The following ZNF484 variants were observed in gnomAD, a reference collection of about 807,000 sequenced individuals.
ZNF484 encodes the protein zinc finger protein 484.
In ZNF484, 11 loss-of-function variants were observed where a neutral mutation model predicts 12.9. The observed-to-expected ratio is 0.85, with a 90% CI of 0.54 to 1.41. The LOEUF is 1.41. Among genes scored for constraint, ZNF484 ranks in the 40% most tolerant of loss-of-function variants. The pLI, the probability that ZNF484 is intolerant of heterozygous loss-of-function variation, is 0.00. For synonymous variants in ZNF484, 289 were observed against 334.1 expected (o/e 0.86, Z 1.47); for missense variants, 807 against 1,007.7 (o/e 0.80, Z 2.70).
In ZNF484 at chr9:92,845,113, G is replaced by A. The variant is rs945745578; in HGVS notation, c.*1115C>T. The A allele has an allele frequency of 2.0e-5, 3 of 152,092 alleles. No individual in the cohort carries two copies. The East Asian group carries it at 5.8e-4, about 29-fold the overall frequency. The allele number at this position is 152,092 out of a possible 1,614,324, so 9.4% of individuals were successfully genotyped here. A position where few individuals can be genotyped will look rare whatever the true frequency, so the allele number is the denominator to read the frequency against. On this transcript the variant is annotated 3_prime_UTR_variant, in exon 5 of 5. Transcript: ENST00000375495. This position sits in a 1 kb window ranked among gnomAD's most constrained non-coding sequence, Gnocchi z 4.0. ...GGCAAAAAATTACTAGAGATAAAAA[G>A]AAACATCTAATAATGATAATGTGTC...
At position 92,846,053 on chromosome 9, in the gene ZNF484, C is replaced by G. The variant is rs1273197551; in HGVS notation, c.*175G>C. 1.5e-6 allele frequency: 1 copy of G among 658,686 alleles called. No homozygotes were observed. 40.8% of individuals were successfully genotyped at this position (658,686 alleles called of 1,614,324 possible). On this transcript the variant is annotated 3_prime_UTR_variant, in exon 5 of 5. Transcript: ENST00000375495. ...AAAACTGTTTGCCCAAAAAGTGAAA[C>G]AAGAAAGACTGCCAATCATCTCCTT...
chr9:92,862,168 G>T (rs895138335), intron 2 of ZNF484: 1 of 918,516 alleles, frequency 1.1e-6, no homozygotes, highest in Non-Finnish European at 1.3e-6. Context: ...AAAGAAGTCT[G>T]AAAAAAAAAA....
chr9:92,871,510 A>G (rs188632979), intron 2 of ZNF484, among the ~76,000 whole-genome samples: 12 of 152,344 alleles, frequency 7.9e-5, no homozygotes, highest in African/African-American at 2.9e-4. Flanking sequence ...GGGGCTGAAC[A>G]AGTATTTGAA....
intron 2 of ZNF484, among the ~76,000 whole-genome samples, chr9:92,873,533 A>G (rs1054802649): frequency 2.0e-5 from 3 of 152,318 alleles, no homozygotes; most frequent in Admixed American, 6.5e-5. Flanking sequence ...TAAAACTTCC[A>G]AAAAAGAAAT....
At chr9:92,869,540 T>C (rs1473416813) in intron 2 of ZNF484, among the ~76,000 whole-genome samples, 5 of 152,166 alleles carry the variant, frequency 3.3e-5, no homozygotes, top group Non-Finnish European at 7.3e-5. Context: ...CTGGGCAACA[T>C]GGTGAAACCC....
At chr9:92,852,041 A>C (rs573776563) in intron 4 of ZNF484, among the ~76,000 whole-genome samples, 1 of 152,296 alleles carries the variant, frequency 6.6e-6, no homozygotes, top group South Asian at 2.1e-4. Context: ...CTAAAAGAAA[A>C]ATTTTAAAAT....
At chr9:92,874,008 A>G (rs918410269) in intron 2 of ZNF484, among the ~76,000 whole-genome samples, 2 of 152,232 alleles carry the variant, frequency 1.3e-5, no homozygotes, top group Admixed American at 6.5e-5. Context: ...AAATCAATCA[A>G]TGTAATCTAC....
intron 2 of ZNF484, among the ~76,000 whole-genome samples, chr9:92,867,549 A>AG: frequency 6.6e-6 from 1 of 152,220 alleles, no homozygotes; most frequent in Non-Finnish European, 1.5e-5. Context: ...TGATAGATGC[A>AG]GCAAACCACC....
At position 92,874,459 on chromosome 9, in the gene ZNF484, C is replaced by T. The variant is rs577971673; in HGVS notation, c.15+556G>A. Among the ~76,000 whole-genome samples, 11 of 152,036 alleles carry T rather than the reference C, an allele frequency of 7.2e-5. No individual in the cohort carries two copies. In the South Asian group the frequency reaches 2.3e-3, roughly 32 times the overall value. ...CCTGGGTAGCTGGGATTACAGGCGC[C>T]CGCCACCACACCTGGCTAATTTTTG... On this transcript the variant is annotated intron_variant, in intron 2 of 4. Coordinates refer to ENST00000375495, the MANE Select transcript of ZNF484 (RefSeq NM_031486.4).
chr9:92,864,841 A>C (rs1290956808), intron 2 of ZNF484, among the ~76,000 whole-genome samples: 1 of 152,212 alleles, frequency 6.6e-6, no homozygotes, highest in Non-Finnish European at 1.5e-5. Flanking sequence ...TAATCACTAG[A>C]TATAGCAACA....
intron 2 of ZNF484, among the ~76,000 whole-genome samples, chr9:92,866,944 G>A (rs1587760339): frequency 6.6e-6 from 1 of 152,164 alleles, no homozygotes; most frequent in Non-Finnish European, 1.5e-5. Context: ...TGAACAATGA[G>A]AACACACAGA....
intron 3 of ZNF484, 101 bp downstream of exon 3, chr9:92,856,091 C>T (rs1856431832): frequency 6.6e-7 from 1 of 1,516,528 alleles, no homozygotes; most frequent in Non-Finnish European, 9.0e-7. Flanking sequence ...CTTTAGAAGT[C>T]CCACATACCT....
intron 1 of ZNF484, among the ~76,000 whole-genome samples, chr9:92,875,645 C>A (rs1171650762): frequency 6.6e-6 from 1 of 152,162 alleles, no homozygotes; most frequent in Admixed American, 6.5e-5. Flanking sequence ...GTATGACTAC[C>A]GATCATGCAT....
In ZNF484 at chr9:92,848,040, G is replaced by A; in HGVS notation, c.747C>T (p.Ser249=). 6.2e-7 allele frequency: 1 copy of A among 1,614,160 alleles called. No homozygotes were observed. The change falls in exon 5 of 5, where the codon AGC becomes AGT. Residue 249 remains serine, a synonymous_variant. Transcript: ENST00000375495. The surrounding 1 kb of genome is among the most constrained non-coding windows in gnomAD (Gnocchi z 4.1). ...IQQQKIHTRE[S]LYLFSDYVNV... ...TTACGTAGTCAGAAAACAAATAGAG[G>A]CTCTCTCTAGTATGAATTTTCTGTT...
chr9:92,872,011 G>A (rs1480446285), intron 2 of ZNF484, among the ~76,000 whole-genome samples: 1 of 152,056 alleles, frequency 6.6e-6, no homozygotes, highest in Non-Finnish European at 1.5e-5. Flanking sequence ...CGGGCGGATC[G>A]CCTGAGGTTG....
chr9:92,855,983 C>T (rs966127670), intron 3 of ZNF484, 80 bp from the exon 4 acceptor site: 4 of 1,514,444 alleles, frequency 2.6e-6, no homozygotes, highest in Non-Finnish European at 2.7e-6. Context: ...AAAAAGTTCA[C>T]TGGGAACAGA....
chr9:92,877,721 C>G, intron 1 of ZNF484, 169 bp downstream of exon 1: 1 of 1,479,466 alleles, frequency 6.8e-7, no homozygotes, highest in Non-Finnish European at 9.1e-7. Flanking sequence ...GATCCACCAC[C>G]AGAGACCCCT....
intron 1 of ZNF484, among the ~76,000 whole-genome samples, chr9:92,877,270 A>C (rs1406890495): frequency 3.9e-5 from 6 of 152,088 alleles, no homozygotes. Flanking sequence ...AAAAGAGAAA[A>C]AAATTAATAT....
chr9:92,874,825 G>C (rs1027396331), intron 2 of ZNF484, among the ~76,000 whole-genome samples, 190 bp downstream of exon 2: 3 of 152,126 alleles, frequency 2.0e-5, no homozygotes, highest in African/African-American at 7.2e-5. Context: ...ACAGTTCAAA[G>C]TTCATGACTG....
Sources: allele counts gnomAD v4.1 joint callset (sites outside exome capture counted in the v4.1 genomes callset), GRCh38; gene constraint gnomAD v4.1.1; non-coding constraint Gnocchi (gnomAD v3.1); transcripts MANE v1.5; gene names NCBI Gene and HGNC (gene_info 2026-07-23, HGNC 2026-07-21).